The following MCF2L2 variants were observed in gnomAD, a reference collection of about 807,000 sequenced individuals.
MCF2L2 encodes probable guanine nucleotide exchange factor MCF2L2.
MCF2L2 carries 102 observed loss-of-function variants against 150.2 expected under a neutral mutation model. The ratio of observed to expected loss-of-function variants is 0.68; its 90% CI spans 0.58 to 0.80. MCF2L2 has a LOEUF of 0.80. Among genes scored for constraint, MCF2L2 ranks in the 30% least tolerant of loss-of-function variants. The probability of loss-of-function intolerance (pLI) is 0.00; values close to 1 mark genes in which losing one functional copy is unlikely to be tolerated. For synonymous variants in MCF2L2, 465 were observed against 491.3 expected (o/e 0.95, Z 0.71); for missense variants, 1,256 against 1,372.8 (o/e 0.91, Z 1.34).
intron 1 of MCF2L2, among the ~76,000 whole-genome samples, chr3:183,403,946 G>A (rs914571326): frequency 6.6e-6 from 1 of 152,050 alleles, no homozygotes; most frequent in Non-Finnish European, 1.5e-5. Context: ...AGAAAAAAAT[G>A]TTTAAAAAGT....
rs757012258 is a variant in MCF2L2, at chr3:183,179,365, G to A, written c.*15C>T. 45 of 1,436,972 alleles carry A rather than the reference G, an allele frequency of 3.1e-5. No individual in the cohort carries two copies. Among genetic ancestry groups the A allele is most frequent in the Non-Finnish European group, 4.0e-5 (44 of 1,096,496 alleles). The allele number at this position is 1,436,972 out of a possible 1,614,324, so 89.0% of individuals were successfully genotyped here. ...GGCGCTCTGGAGCCGAGGAGCGGGG[G>A]CGTCCGCAGGGAGGTCAGCTCTCCT... On this transcript the variant is annotated 3_prime_UTR_variant, in exon 30 of 30. Coordinates refer to ENST00000328913, the MANE Select transcript of MCF2L2 (RefSeq NM_015078.4). The surrounding 1 kb of genome is among the most constrained non-coding windows in gnomAD (Gnocchi z 4.2).
At chr3:183,299,090 C>T (rs1033604164) in intron 11 of MCF2L2, 3 of 152,400 alleles carry the variant, frequency 2.0e-5, no homozygotes, top group Admixed American at 1.3e-4. Flanking sequence ...ACCGCTGCTC[C>T]TGCTGACTGG....
rs1028988379 is a variant in MCF2L2 at position 183,392,476 on chromosome 3, G to A, written c.77-2697C>T. Reference sequence around the variant, plus strand: ...AAGAGACCTTTCTCGCTAGCCTCCTGTGGCTATCAAATGAACAGGACTAAA... The same window carrying A: ...AAGAGACCTTTCTCGCTAGCCTCCTATGGCTATCAAATGAACAGGACTAAA... On this transcript the variant is annotated intron_variant, in intron 1 of 29. Coordinates refer to ENST00000328913, the MANE Select transcript of MCF2L2 (RefSeq NM_015078.4). Among the ~76,000 whole-genome samples, 2 of 152,192 alleles carry A rather than the reference G, an allele frequency of 1.3e-5. 1 individual carries two copies. Among genetic ancestry groups the A allele is most frequent in the South Asian group, 4.1e-4 (2 of 4,828 alleles).
rs569944828 is a variant in MCF2L2 at position 183,371,075 on chromosome 3, C to T, written c.275+8222G>A. 5.3e-5 allele frequency among the ~76,000 whole-genome samples: 8 copies of T among 152,302 alleles called. No homozygotes were observed. The South Asian group carries it at 1.2e-3, about 24-fold the overall frequency. ...AGTCACAGTTCCACAGCCAGTCCAG[C>T]GAAAACCACACCTCACCCCAGCTAC... is the stretch of plus-strand genomic sequence containing the variant. On this transcript the variant is annotated intron_variant, in intron 3 of 29. Coordinates refer to ENST00000328913, the MANE Select transcript of MCF2L2 (RefSeq NM_015078.4).
intron 13 of MCF2L2, among the ~76,000 whole-genome samples, chr3:183,294,441 T>A (rs1352918507): frequency 6.6e-6 from 1 of 151,712 alleles, no homozygotes; most frequent in Non-Finnish European, 1.5e-5. Context: ...AACCTCTGCC[T>A]CCCGGGTTCA....
intron 1 of MCF2L2, among the ~76,000 whole-genome samples, chr3:183,393,613 T>A (rs953588046): frequency 1.3e-5 from 2 of 152,234 alleles, no homozygotes; most frequent in East Asian, 3.8e-4. Flanking sequence ...CTATCCTTGA[T>A]AAGTACACAG....
intron 1 of MCF2L2, among the ~76,000 whole-genome samples, chr3:183,420,848 ACCACTCCCATTAT>A (rs1005199970): frequency 2.0e-5 from 3 of 152,036 alleles, no homozygotes; most frequent in African/African-American, 7.3e-5. Context: ...CTGGGGAAAA[ACCACTCCCATTAT>A]CCAATCACCC....
At chr3:183,206,463 C>T (rs553587823) in intron 23 of MCF2L2, among the ~76,000 whole-genome samples, 1 of 152,292 alleles carries the variant, frequency 6.6e-6, no homozygotes, top group African/African-American at 2.4e-5. Context: ...ATGCAGGAGG[C>T]GCTGCAGCCC....
intron 3 of MCF2L2, among the ~76,000 whole-genome samples, chr3:183,346,892 T>C (rs1203744211): frequency 6.6e-6 from 1 of 152,122 alleles, no homozygotes; most frequent in Non-Finnish European, 1.5e-5. Flanking sequence ...AAATCACTGC[T>C]CAAGGAAATA....
At chr3:183,363,528 GT>G (rs1277517648) in intron 3 of MCF2L2, among the ~76,000 whole-genome samples, 2 of 152,088 alleles carry the variant, frequency 1.3e-5, no homozygotes, top group Non-Finnish European at 2.9e-5. Flanking sequence ...ACTTAAATAC[GT>G]ATTACTAAGT....
intron 6 of MCF2L2, among the ~76,000 whole-genome samples, chr3:183,318,859 A>C (rs912444133): frequency 6.6e-6 from 1 of 152,242 alleles, no homozygotes; most frequent in Non-Finnish European, 1.5e-5. Flanking sequence ...AAAAATGCTA[A>C]CCATCTTCTG....
chr3:183,309,964 T>G (rs1204429785), intron 9 of MCF2L2, 129 bp from the exon 10 acceptor site: 4 of 1,079,400 alleles, frequency 3.7e-6, no homozygotes, highest in African/African-American at 1.6e-5. Context: ...CTATATATGT[T>G]AAAAATTTTT....
At chr3:183,297,211 A>G (rs759020263) in intron 11 of MCF2L2, 44 bp from the exon 12 acceptor site, 13 of 1,528,042 alleles carry the variant, frequency 8.5e-6, no homozygotes, top group Non-Finnish European at 1.2e-5. Context: ...CCTGACCACA[A>G]CTCAGAGCCA....
intron 5 of MCF2L2, among the ~76,000 whole-genome samples, chr3:183,327,556 C>T (rs1208714753): frequency 1.3e-5 from 2 of 152,178 alleles, no homozygotes; most frequent in Non-Finnish European, 2.9e-5. Context: ...GATCTCGAAA[C>T]AATTACATAA....
chr3:183,180,398 C>G (rs1270391840), intron 27 of MCF2L2: 2 of 450,024 alleles, frequency 4.4e-6, no homozygotes, highest in Admixed American at 3.9e-5. Flanking sequence ...TGTTCATGGC[C>G]CTACCTCCCC....
chr3:183,403,768 T>C (rs1408664671), intron 1 of MCF2L2, among the ~76,000 whole-genome samples: 1 of 152,188 alleles, frequency 6.6e-6, no homozygotes, highest in Non-Finnish European at 1.5e-5. Flanking sequence ...TAATAAGCAT[T>C]AGGTAAATAA....
chr3:183,399,792 AGC>A (rs1243133069), intron 1 of MCF2L2, among the ~76,000 whole-genome samples: 1 of 152,236 alleles, frequency 6.6e-6, no homozygotes, highest in Non-Finnish European at 1.5e-5. Context: ...CGGAATGTAG[AGC>A]GTCTCCTGAA....
At chr3:183,233,171 T>G (rs948304168) in intron 15 of MCF2L2, among the ~76,000 whole-genome samples, 2 of 152,046 alleles carry the variant, frequency 1.3e-5, no homozygotes, top group African/African-American at 2.4e-5. Context: ...GCCAACATGG[T>G]GAAACCCTGT....
intron 13 of MCF2L2, among the ~76,000 whole-genome samples, chr3:183,293,535 G>A (rs1010333374): frequency 6.6e-6 from 1 of 152,074 alleles, no homozygotes; most frequent in Non-Finnish European, 1.5e-5. Context: ...AATCATTCAC[G>A]ATAAAAACTC....
Sources: allele counts gnomAD v4.1 joint callset (sites outside exome capture counted in the v4.1 genomes callset), GRCh38; gene constraint gnomAD v4.1.1; non-coding constraint Gnocchi (gnomAD v3.1); transcripts MANE v1.5; gene names NCBI Gene and HGNC (gene_info 2026-07-23, HGNC 2026-07-21).